Variants in DNAH1 observed in about 807,000 individuals in gnomAD.
DNAH1 encodes the protein dynein axonemal heavy chain 1.
DNAH1 carries 327 observed loss-of-function variants against 484.3 expected under a neutral mutation model. The observed-to-expected ratio is 0.68, with a 90% confidence interval of 0.62 to 0.74. DNAH1 has a LOEUF of 0.74. DNAH1 is among the 30% of genes least tolerant of loss of function. The pLI is 0.00. For missense variants in DNAH1, 5,052 were observed against 5,546.8 expected (o/e 0.91, Z 2.83); for synonymous variants, 2,192 against 2,191.9 (o/e 1.00, Z 0.00).
At position 52,368,824 on chromosome 3, in the gene DNAH1, C is replaced by T. The variant is rs745715244; in HGVS notation, c.5849C>T (p.Pro1950Leu). The change falls in exon 37 of 78, where the codon CCG becomes CTG. Residue 1950 changes from proline (P) to leucine (L), a missense_variant. By Grantham distance (98) the Pro-to-Leu change is moderately conservative (BLOSUM62 -3). Transcript: ENST00000420323. This position sits in a 1 kb window ranked among gnomAD's most constrained non-coding sequence, Gnocchi z 4.4. ...TNKKWYMFDG[P>L]VDAIWIENMN... ...AAGAAGTGGTACATGTTCGATGGGC[C>T]GGTGGATGCCATCTGGATTGAGAAC... The T allele has an allele frequency of 1.8e-5, 29 of 1,613,798 alleles. No homozygotes were observed. Among genetic ancestry groups the T allele is most frequent in the East Asian group, 2.2e-5 (1 of 44,890 alleles).
intron 8 of DNAH1, among the ~76,000 whole-genome samples, chr3:52,341,167 T>C (rs1478568816): frequency 2.0e-5 from 3 of 152,188 alleles, no homozygotes; most frequent in Non-Finnish European, 4.4e-5. Flanking sequence ...CCTGTACCTG[T>C]AGCAGGAAAA....
rs937067490 is a variant in DNAH1, at chr3:52,362,574, T to C, written c.5094+73T>C. ...GAGTTCAGAGATGCTAAGCCACTTA[T>C]GCAAGGACACAGTTGCTTGGACTCC... On this transcript the variant is annotated intron_variant, in intron 31 of 77. Transcript: ENST00000420323. This position sits in a 1 kb window ranked among gnomAD's most constrained non-coding sequence, Gnocchi z 5.1. 1.8e-4 allele frequency: 242 copies of C among 1,333,546 alleles called. No individual in the cohort carries two copies. The highest frequency in any genetic ancestry group is 1.9e-4 in the Non-Finnish European group (177 of 951,570). The allele number at this position is 1,333,546 out of a possible 1,614,324, so 82.6% of individuals were successfully genotyped here.
chr3:52,380,306 C>T (rs557739386), intron 48 of DNAH1, among the ~76,000 whole-genome samples, 171 bp downstream of exon 48: 1 of 152,324 alleles, frequency 6.6e-6, no homozygotes, highest in Non-Finnish European at 1.5e-5. Flanking sequence ...CCCTTGCTCT[C>T]TCTGGGTACC....
At chr3:52,385,108 C>A in intron 53 of DNAH1, 131 bp downstream of exon 53, 2 of 1,190,162 alleles carry the variant, frequency 1.7e-6, no homozygotes, top group Non-Finnish European at 2.3e-6. Flanking sequence ...TGGGTGGCTT[C>A]CCCCCTCATC....
upstream of DNAH1, among the ~76,000 whole-genome samples, chr3:52,311,464 C>T (rs1442162155): frequency 6.6e-6 from 1 of 152,134 alleles, no homozygotes; most frequent in Non-Finnish European, 1.5e-5. Context: ...AGAGATGAGA[C>T]AGTTTACTCT....
At chr3:52,317,369 G>A (rs1300256024) in intron 1 of DNAH1, among the ~76,000 whole-genome samples, 1 of 152,144 alleles carries the variant, frequency 6.6e-6, no homozygotes, top group Admixed American at 6.5e-5. Flanking sequence ...CGGAAGCGGC[G>A]GCCTGAGTGG....
At chr3:52,374,269 A>G in intron 44 of DNAH1, 4 of 1,517,336 alleles carry the variant, frequency 2.6e-6, no homozygotes, top group Non-Finnish European at 3.7e-6. Context: ...GATTTGCCTT[A>G]CCACTAAAAG....
intron 62 of DNAH1, 45 bp downstream of exon 62, chr3:52,391,373 G>A (rs1258285265): frequency 1.9e-6 from 3 of 1,592,186 alleles, no homozygotes; most frequent in Non-Finnish European, 2.6e-6. Flanking sequence ...GGCCTGGACA[G>A]GGCAGTCCCC....
Position 52,372,393 on chromosome 3 carries a change from G to A in DNAH1, c.6827+6G>A, listed in dbSNP as rs1482563846. 5 of 1,613,130 alleles carry A rather than the reference G, an allele frequency of 3.1e-6. No individual in the cohort carries two copies. The Admixed American group carries it at 8.3e-5, about 27-fold the overall frequency. ...GACAGCAAGCTGGACAAGAGGCAGG[G>A]CACCCCTCCCTCCTTCCTCACCCCT... On this transcript the variant is annotated splice_donor_region_variant and intron_variant, in intron 43 of 77. Coordinates refer to ENST00000420323, the MANE Select transcript of DNAH1 (RefSeq NM_015512.5).
At position 52,361,618 on chromosome 3, in the gene DNAH1, C is replaced by A; in HGVS notation, c.4875-43C>A. 1 of 1,550,980 alleles carries A rather than the reference C, an allele frequency of 6.4e-7. No homozygotes were observed. The highest frequency in any genetic ancestry group is 8.7e-7 in the Non-Finnish European group (1 of 1,143,550). On this transcript the variant is annotated intron_variant, in intron 29 of 77. Transcript: ENST00000420323. The surrounding 1 kb of genome is among the most constrained non-coding windows in gnomAD (Gnocchi z 5.6). ...CTCAGAGGGAGGTGCCCAGATTGGG[C>A]TCTGAACACATGTGCCCCATCCAAT...
rs1444379150 is a variant in DNAH1 at position 52,395,368 on chromosome 3, C to T, written c.11029C>T (p.Leu3677=). 6.2e-7 allele frequency: 1 copy of T among 1,613,870 alleles called. No homozygotes were observed. The highest frequency in any genetic ancestry group is 1.1e-5 in the South Asian group (1 of 91,076). Residue 3677 remains leucine, a synonymous_variant, in exon 69 of 78, where the codon CTG becomes TTG. Coordinates refer to ENST00000420323, the MANE Select transcript of DNAH1 (RefSeq NM_015512.5). This position sits in a 1 kb window ranked among gnomAD's most constrained non-coding sequence, Gnocchi z 4.4. ...SNSTTPLIFV[L]SPGTDPAADL... ...CTCCACCACACCCCTCATCTTTGTG[C>T]TGTCACCCGGCACAGACCCTGCTGC...
In DNAH1 at chr3:52,388,446, TG is replaced by T; in HGVS notation, c.9205del (p.Val3069Ter). ...GCCCTGCTGGAGGCCCAGGATGACC[TG>T]GGGGTGACACAGAGGATCCTGGATG... ...RQALLEAQDD[L>X]GVTQRILDEA... On this transcript the variant is annotated frameshift_variant, in exon 58 of 78. Transcript: ENST00000420323. LOFTEE classifies it high-confidence loss of function. The T allele has an allele frequency of 1.2e-6, 2 of 1,612,674 alleles. No homozygotes were observed. Among genetic ancestry groups the T allele is most frequent in the East Asian group, 2.2e-5 (1 of 44,816 alleles).
chr3:52,383,129 G>A (rs1703930240), intron 50 of DNAH1, among the ~76,000 whole-genome samples: 1 of 152,238 alleles, frequency 6.6e-6, no homozygotes, highest in African/African-American at 2.4e-5. Context: ...GAGGGGCGAA[G>A]AGGAAGATGC....
In DNAH1 at chr3:52,373,969, T is replaced by C. The variant is rs1327829933; in HGVS notation, c.6985+916T>C. On this transcript the variant is annotated intron_variant, in intron 44 of 77. Coordinates refer to ENST00000420323, the MANE Select transcript of DNAH1 (RefSeq NM_015512.5). ...GCAGGCTGGCTTCATCTACACTTAT[T>C]TATGAATTTTTCTTAAGATTTTTAG... is the stretch of plus-strand genomic sequence containing the variant. 3 of 1,192,054 alleles carry C rather than the reference T, an allele frequency of 2.5e-6. No individual in the cohort carries two copies. The Admixed American group carries it at 5.7e-5, about 23-fold the overall frequency. The allele number at this position is 1,192,054 out of a possible 1,614,324, so 73.8% of individuals were successfully genotyped here.
intron 46 of DNAH1, 67 bp downstream of exon 46, chr3:52,376,060 T>C: frequency 6.4e-7 from 1 of 1,574,712 alleles, no homozygotes; most frequent in Non-Finnish European, 8.6e-7. Flanking sequence ...TGGTTGGGTG[T>C]GTTGAGGCTG....
intron 2 of DNAH1, 82 bp from the exon 3 acceptor site, chr3:52,323,726 C>A: frequency 8.9e-7 from 1 of 1,126,920 alleles, no homozygotes; most frequent in Non-Finnish European, 1.3e-6. Flanking sequence ...TCAAGGGAGG[C>A]GCCTGGGCTC....
In DNAH1 at chr3:52,382,385, ATG is replaced by A. The variant is rs1703890218; in HGVS notation, c.7874_7875del (p.Val2625GlufsTer40). 1 of 1,613,868 alleles carries A rather than the reference ATG, an allele frequency of 6.2e-7. No homozygotes were observed. The highest frequency in any genetic ancestry group is 1.3e-5 in the African/African-American group (1 of 74,926). On this transcript the variant is annotated frameshift_variant, in exon 50 of 78. Transcript: ENST00000420323. LOFTEE classifies it high-confidence loss of function. ...TACGGCATGTCCGAGTGGCGAGATG[ATG>A]TGAAGAAGGTCCTGCTCAAGGCGGG...
intron 6 of DNAH1, among the ~76,000 whole-genome samples, chr3:52,328,704 G>A (rs914867825): frequency 1.3e-5 from 2 of 152,268 alleles, no homozygotes; most frequent in Admixed American, 1.3e-4. Context: ...CCCATTTCCT[G>A]CTGTGGAAAG....
At chr3:52,375,095 A>T in intron 44 of DNAH1, 145 bp from the exon 45 acceptor site, 1 of 1,012,414 alleles carries the variant, frequency 9.9e-7, no homozygotes, top group Non-Finnish European at 1.4e-6. Context: ...GCAAAGAAAA[A>T]TTTTCCTGTG....
Sources: allele counts gnomAD v4.1 joint callset (sites outside exome capture counted in the v4.1 genomes callset), GRCh38; gene constraint gnomAD v4.1.1; non-coding constraint Gnocchi (gnomAD v3.1); transcripts MANE v1.5; gene names NCBI Gene and HGNC (gene_info 2026-07-23, HGNC 2026-07-21).